Variants in SLC25A21 observed in about 807,000 individuals in gnomAD.
The protein encoded by SLC25A21 is solute carrier family 25 member 21, also known as mitochondrial 2-oxodicarboxylate carrier.
SLC25A21 carries 47 observed loss-of-function variants against 43.8 expected under a neutral mutation model. The observed-to-expected ratio is 1.07, with a 90% CI of 0.85 to 1.37. SLC25A21 has a LOEUF of 1.37. Among genes scored for constraint, SLC25A21 ranks in the 40% most tolerant of loss-of-function variants. SLC25A21 has a pLI of 0.00. For missense variants in SLC25A21, 352 were observed against 350.2 expected (o/e 1.00, Z -0.04); for synonymous variants, 131 against 121.3 (o/e 1.08, Z -0.52).
chr14:37,011,769 T>C (rs1960738312), intron 1 of SLC25A21, among the ~76,000 whole-genome samples: 1 of 152,224 alleles, frequency 6.6e-6, no homozygotes. Flanking sequence ...AAGTCAATGA[T>C]CTTTTTTCAA....
At chr14:36,848,982 T>C (rs754501258) in intron 2 of SLC25A21, among the ~76,000 whole-genome samples, 5 of 152,190 alleles carry the variant, frequency 3.3e-5, no homozygotes, top group Non-Finnish European at 7.3e-5. Flanking sequence ...TGATTCATGG[T>C]AAACTTTCCA....
intron 4 of SLC25A21, among the ~76,000 whole-genome samples, chr14:36,733,056 A>C (rs1884893566): frequency 6.6e-6 from 1 of 152,230 alleles, no homozygotes; most frequent in Non-Finnish European, 1.5e-5. Flanking sequence ...TCTGTAAAAG[A>C]TTGCTTAATG....
chr14:36,794,074 G>A (rs755361963), intron 3 of SLC25A21, among the ~76,000 whole-genome samples: 1 of 152,106 alleles, frequency 6.6e-6, no homozygotes, highest in Non-Finnish European at 1.5e-5. Flanking sequence ...ATAGTTAACA[G>A]AGATGAATTT....
chr14:37,169,762 ACAGTG>A (rs1964090841), intron 1 of SLC25A21, among the ~76,000 whole-genome samples: 1 of 152,084 alleles, frequency 6.6e-6, no homozygotes, highest in Non-Finnish European at 1.5e-5. Context: ...CACATGTACT[ACAGTG>A]CAATAAAGAT....
At chr14:36,770,165 T>C (rs1408940361) in intron 3 of SLC25A21, among the ~76,000 whole-genome samples, 3 of 152,162 alleles carry the variant, frequency 2.0e-5, no homozygotes, top group South Asian at 2.1e-4. Context: ...GTGGTACATA[T>C]ACACCATGGA....
chr14:37,152,386 A>ATTTTT lies in SLC25A21; in HGVS notation c.70+19890_70+19894dup, dbSNP rs3061885. 6.0e-4 allele frequency among the ~76,000 whole-genome samples: 85 copies of ATTTTT among 140,718 alleles called. 2 individuals are homozygous for ATTTTT. Among genetic ancestry groups the ATTTTT allele is most frequent in the African/African-American group, 1.5e-3 (57 of 37,758 alleles). 92.3% of individuals were successfully genotyped at this position (140,718 alleles called of 152,430 possible). Reference sequence around the variant, plus strand: ...TGACTCTCAATTTCATTTTATTTCAATTTTTTTTTTTTTTTGACAGAGTCT... The same window carrying ATTTTT: ...TGACTCTCAATTTCATTTTATTTCAATTTTTTTTTTTTTTTTTTTTGACAGAGTCT... On this transcript the variant is annotated intron_variant, in intron 1 of 9. Transcript: ENST00000331299.
At position 37,037,939 on chromosome 14, in the gene SLC25A21, T is replaced by C. The variant is rs142937819; in HGVS notation, c.70+134342A>G. Among the ~76,000 whole-genome samples, 20 of 152,330 alleles carry C rather than the reference T, an allele frequency of 1.3e-4. No homozygotes were observed. The East Asian group carries it at 3.1e-3, about 24-fold the overall frequency. ...GTTCTGTATGCTGCAGATGTTTATA[T>C]TTTTCTGAAGATTCCTCTGCTTCTG... On this transcript the variant is annotated intron_variant, in intron 1 of 9. Transcript: ENST00000331299.
chr14:36,718,489 C>T (rs1884239381), intron 6 of SLC25A21, among the ~76,000 whole-genome samples: 2 of 150,584 alleles, frequency 1.3e-5, no homozygotes, highest in South Asian at 4.2e-4. Flanking sequence ...GCCACACGCT[C>T]ACTCTCTGTA....
chr14:36,764,843 A>T (rs1886353922), intron 3 of SLC25A21, among the ~76,000 whole-genome samples: 1 of 152,208 alleles, frequency 6.6e-6, no homozygotes, highest in African/African-American at 2.4e-5. Context: ...GTCTGTGAAG[A>T]GACACCTCAT....
chr14:36,866,199 A>G, intron 2 of SLC25A21, among the ~76,000 whole-genome samples: 1 of 152,036 alleles, frequency 6.6e-6, no homozygotes, highest in East Asian at 1.9e-4. Context: ...GGCTGCTCTC[A>G]AACTCCTGGC....
intron 2 of SLC25A21, among the ~76,000 whole-genome samples, chr14:36,862,736 TA>T (rs1890107541): frequency 6.6e-6 from 1 of 152,310 alleles, no homozygotes; most frequent in African/African-American, 2.4e-5. Flanking sequence ...TCTGCACATG[TA>T]TTCCAGAACT....
At chr14:36,697,614 C>T (rs1883085728) in intron 7 of SLC25A21, among the ~76,000 whole-genome samples, 1 of 152,022 alleles carries the variant, frequency 6.6e-6, no homozygotes, top group Non-Finnish European at 1.5e-5. Context: ...TGCACATATA[C>T]TTAGGATACT....
At chr14:36,997,895 C>T (rs1223152445) in intron 1 of SLC25A21, among the ~76,000 whole-genome samples, 1 of 151,782 alleles carries the variant, frequency 6.6e-6, no homozygotes, top group Non-Finnish European at 1.5e-5. Context: ...CTTAGAGATA[C>T]TGAATGAAGC....
intron 1 of SLC25A21, among the ~76,000 whole-genome samples, chr14:36,958,699 A>G (rs943911471): frequency 3.9e-5 from 6 of 151,980 alleles, no homozygotes; most frequent in African/African-American, 7.2e-5. Flanking sequence ...ACACACACAC[A>G]CACACACACA....
chr14:36,897,033 C>T (rs1327462756), intron 1 of SLC25A21, among the ~76,000 whole-genome samples: 1 of 152,042 alleles, frequency 6.6e-6, no homozygotes, highest in African/African-American at 2.4e-5. Flanking sequence ...CTGCTCTTCT[C>T]GAGGATTATT....
At chr14:37,139,246 G>A (rs1028371735) in intron 1 of SLC25A21, among the ~76,000 whole-genome samples, 5 of 152,012 alleles carry the variant, frequency 3.3e-5, no homozygotes, top group Non-Finnish European at 5.9e-5. Context: ...TCAAAAGTCT[G>A]CTAAACATGT....
intron 1 of SLC25A21, among the ~76,000 whole-genome samples, chr14:36,905,415 T>A (rs778781730): frequency 8.5e-5 from 13 of 152,226 alleles, no homozygotes; most frequent in Non-Finnish European, 1.8e-4. Flanking sequence ...CTAGATTCTG[T>A]GCCACTGTAG....
intron 1 of SLC25A21, 54 bp downstream of exon 1, chr14:37,172,227 C>A: frequency 6.6e-7 from 1 of 1,518,372 alleles, no homozygotes; most frequent in Admixed American, 2.0e-5. Flanking sequence ...GGTTTCAGGA[C>A]ACGCGGTGGG....
At chr14:37,000,460 C>T (rs1960463186) in intron 1 of SLC25A21, among the ~76,000 whole-genome samples, 1 of 152,320 alleles carries the variant, frequency 6.6e-6, no homozygotes, top group East Asian at 1.9e-4. Flanking sequence ...TTTCCTCCTA[C>T]TCATTGTGTT....
Sources: gnomAD v4.1 joint callset for allele counts (sites outside exome capture counted in the v4.1 genomes callset) on GRCh38, gnomAD v4.1.1 for gene constraint, MANE v1.5 for transcripts, NCBI Gene and HGNC (gene_info 2026-07-23, HGNC 2026-07-21) for gene names.